The following BLTP3B variants were observed in gnomAD, a reference collection of about 807,000 sequenced individuals.
BLTP3B encodes UHRF1 (ICBP90) binding protein 1-like.
the BLTP3B span, among the ~76,000 whole-genome samples, chr12:100,084,998 T>A: frequency 6.6e-6 from 1 of 152,092 alleles, no homozygotes; most frequent in Non-Finnish European, 1.5e-5. Context: ...GAAAATATTA[T>A]CAAATAAATA....
chr12:100,104,639 C>T, the BLTP3B span, among the ~76,000 whole-genome samples: 38 of 151,500 alleles, frequency 2.5e-4, no homozygotes, highest in Non-Finnish European at 4.4e-4. Flanking sequence ...ATATTCAAGA[C>T]AAATACAAAA....
At chr12:100,086,848 T>C in the BLTP3B span, among the ~76,000 whole-genome samples, 1 of 152,122 alleles carries the variant, frequency 6.6e-6, no homozygotes, top group Non-Finnish European at 1.5e-5. Context: ...CTACACCATA[T>C]CATCCTACCT....
the BLTP3B span, chr12:100,097,340 C>A: frequency 7.5e-6 from 12 of 1,595,214 alleles, no homozygotes; most frequent in African/African-American, 6.7e-5. Flanking sequence ...ACACATGAAT[C>A]AAAAATGTAA....
chr12:100,080,558 G>T, the BLTP3B span, among the ~76,000 whole-genome samples: 1 of 152,138 alleles, frequency 6.6e-6, no homozygotes, highest in Non-Finnish European at 1.5e-5. Flanking sequence ...ATTTGCATGG[G>T]GCCTGTAGCC....
At chr12:100,044,979 T>C in the BLTP3B span, among the ~76,000 whole-genome samples, 1 of 152,130 alleles carries the variant, frequency 6.6e-6, no homozygotes, top group South Asian at 2.1e-4. Flanking sequence ...AGCCAAATCA[T>C]GAGTGAACTC....
At chr12:100,087,309 A>T in the BLTP3B span, among the ~76,000 whole-genome samples, 3 of 152,112 alleles carry the variant, frequency 2.0e-5, no homozygotes, top group Non-Finnish European at 2.9e-5. Flanking sequence ...AAAATGGGCA[A>T]ATCAATCAGA....
the BLTP3B span, among the ~76,000 whole-genome samples, chr12:100,071,308 C>T: frequency 1.7e-4 from 26 of 151,798 alleles, no homozygotes; most frequent in Non-Finnish European, 3.8e-4. Flanking sequence ...ACCAGCCTGG[C>T]CAACATGACA....
At chr12:100,048,730 G>GT in the BLTP3B span, among the ~76,000 whole-genome samples, 1 of 137,952 alleles carries the variant, frequency 7.2e-6, no homozygotes. Flanking sequence ...TTATAGTAAG[G>GT]GGGGGGAGAG....
the BLTP3B span, chr12:100,089,175 G>A: frequency 6.3e-4 from 774 of 1,222,596 alleles, 3 homozygotes; most frequent in African/African-American, 0.011. Context: ...ATTTTCAGTC[G>A]AAAGTCATGA....
At chr12:100,100,290 G>C in the BLTP3B span, among the ~76,000 whole-genome samples, 2 of 152,074 alleles carry the variant, frequency 1.3e-5, no homozygotes, top group East Asian at 1.9e-4. Flanking sequence ...GGGCAACAGA[G>C]TGAGACCTTG....
At chr12:100,088,380 G>A in the BLTP3B span, among the ~76,000 whole-genome samples, 1 of 151,964 alleles carries the variant, frequency 6.6e-6, no homozygotes. Context: ...AAAATAACAG[G>A]GACAAAAACT....
chr12:100,126,206 GAGA>G, the BLTP3B span, among the ~76,000 whole-genome samples: 4 of 152,228 alleles, frequency 2.6e-5, no homozygotes, highest in Non-Finnish European at 5.9e-5. Flanking sequence ...ATAAGGCAGA[GAGA>G]AGGACATTTC....
chr12:100,052,790 GTTTT>G, the BLTP3B span, among the ~76,000 whole-genome samples: 732 of 114,306 alleles, frequency 6.4e-3, 7 homozygotes, highest in African/African-American at 0.023. Context: ...TTTCTTTTCT[GTTTT>G]TTTTTTTTTT....
At chr12:100,092,685 T>A in the BLTP3B span, 1 of 154,546 alleles carries the variant, frequency 6.5e-6, no homozygotes, top group African/African-American at 2.4e-5. Context: ...TATATAAACA[T>A]ATCCACATAT....
At chr12:100,088,396 A>G in the BLTP3B span, among the ~76,000 whole-genome samples, 1 of 152,224 alleles carries the variant, frequency 6.6e-6, no homozygotes, top group African/African-American at 2.4e-5. Flanking sequence ...AAACTAAAAG[A>G]AAATTCCTAA....
chr12:100,073,657 T>C, the BLTP3B span, among the ~76,000 whole-genome samples: 1 of 152,100 alleles, frequency 6.6e-6, no homozygotes, highest in Non-Finnish European at 1.5e-5. Flanking sequence ...ATAATAGCTA[T>C]AAACACTTCC....
chr12:100,078,781 A>C, the BLTP3B span, among the ~76,000 whole-genome samples: 1 of 152,122 alleles, frequency 6.6e-6, no homozygotes, highest in Non-Finnish European at 1.5e-5. Context: ...TGGGGGTGAT[A>C]TGGTTTGGCT....
At chr12:100,140,653 C>G in the BLTP3B span, among the ~76,000 whole-genome samples, 4 of 129,518 alleles carry the variant, frequency 3.1e-5, no homozygotes, top group Non-Finnish European at 6.1e-5. Flanking sequence ...TGCCGTGAGC[C>G]GAGATCATGC....
chr12:100,093,619 T>A, the BLTP3B span, among the ~76,000 whole-genome samples: 4 of 152,152 alleles, frequency 2.6e-5, no homozygotes, highest in African/African-American at 9.7e-5. Flanking sequence ...TGAGTAATAA[T>A]GTCTTTCATT....
Sources: gnomAD v4.1 joint callset for allele counts (sites outside exome capture counted in the v4.1 genomes callset) on GRCh38, gnomAD v4.1.1 for gene constraint, MANE v1.5 for transcripts, NCBI Gene and HGNC (gene_info 2026-07-23, HGNC 2026-07-21) for gene names.